Variants in APCDD1 observed in about 807,000 individuals in gnomAD.
The protein encoded by APCDD1 is protein APCDD1.
In APCDD1, 15 loss-of-function variants were observed where a neutral mutation model predicts 38.1. The ratio of observed to expected loss-of-function variants is 0.39; its 90% CI spans 0.26 to 0.61. APCDD1 has a LOEUF of 0.61. Among genes scored for constraint, APCDD1 ranks in the 20% least tolerant of loss-of-function variants. The probability of loss-of-function intolerance (pLI) is 0.49; values close to 1 mark genes in which losing one functional copy is unlikely to be tolerated. For synonymous variants in APCDD1, 261 were observed against 279.7 expected (o/e 0.93, Z 0.67); for missense variants, 647 against 696.2 (o/e 0.93, Z 0.79).
In APCDD1 at chr18:10,467,926, G is replaced by T. The variant is rs2030755332; in HGVS notation, c.59-543G>T. ...GCTGGGAATCTTCCTAGTCTCCTGG[G>T]CCTTCTCCTTCCATCACTGCCCAGG... On this transcript the variant is annotated intron_variant, in intron 1 of 4. Coordinates refer to ENST00000355285, the MANE Select transcript of APCDD1 (RefSeq NM_153000.5). This position sits in a 1 kb window ranked among gnomAD's most constrained non-coding sequence, Gnocchi z 4.8. Among the ~76,000 whole-genome samples, 1 of 152,168 alleles carries T rather than the reference G, an allele frequency of 6.6e-6. No homozygotes were observed. The highest frequency in any genetic ancestry group is 1.5e-5 in the Non-Finnish European group (1 of 68,016).
chr18:10,461,168 C>T (rs905932275), intron 1 of APCDD1, among the ~76,000 whole-genome samples: 7 of 152,122 alleles, frequency 4.6e-5, no homozygotes, highest in African/African-American at 1.7e-4. Context: ...CTAGTGCACA[C>T]ACGCAGGTGC....
At chr18:10,482,096 A>G (rs503840) in intron 3 of APCDD1, among the ~76,000 whole-genome samples, 82,677 of 151,936 alleles carry the variant, frequency 0.54, 23,927 homozygotes, top group African/African-American at 0.75. Flanking sequence ...CCTCGACGTC[A>G]TCCCAGAAGC....
rs2030971571 is a variant in APCDD1 at position 10,475,581 on chromosome 18, G to C, written c.774+3520G>C. On this transcript the variant is annotated intron_variant, in intron 3 of 4. Coordinates refer to ENST00000355285, the MANE Select transcript of APCDD1 (RefSeq NM_153000.5). The surrounding 1 kb of genome is among the most constrained non-coding windows in gnomAD (Gnocchi z 4.0). ...GTTGTCTATCTGGGATTGTCGGACA[G>C]AGACTTCACTTTTGGTACCTGTTGC... Among the ~76,000 whole-genome samples, 1 of 151,994 alleles carries C rather than the reference G, an allele frequency of 6.6e-6. No homozygotes were observed. Among genetic ancestry groups the C allele is most frequent in the Non-Finnish European group, 1.5e-5 (1 of 68,004 alleles).
chr18:10,483,771 G>A lies in APCDD1; in HGVS notation c.775-1691G>A, dbSNP rs1056646045. ...AGCACGGGGCTGGGGTGGCCCAGCC[G>A]TCCCCAGAACACTGAGCTACCAACT... is the stretch of plus-strand genomic sequence containing the variant. On this transcript the variant is annotated intron_variant, in intron 3 of 4. Transcript: ENST00000355285. Among the ~76,000 whole-genome samples the A allele has an allele frequency of 3.3e-5, 5 of 152,338 alleles. 1 individual carries two copies. The highest frequency in any genetic ancestry group is 4.1e-4 in the South Asian group (2 of 4,830).
At position 10,476,003 on chromosome 18, in the gene APCDD1, A is replaced by C. The variant is rs1038940996; in HGVS notation, c.774+3942A>C. On this transcript the variant is annotated intron_variant, in intron 3 of 4. Transcript: ENST00000355285. This position sits in a 1 kb window ranked among gnomAD's most constrained non-coding sequence, Gnocchi z 5.8. ...GACCCGGGCACCAGAAAGACTGGGC[A>C]CTGTGTGCCCACGCGGGCCCAGCCA... 6.6e-6 allele frequency: 1 copy of C among 152,264 alleles called. No individual in the cohort carries two copies. Among genetic ancestry groups the C allele is most frequent in the Non-Finnish European group, 1.5e-5 (1 of 68,074 alleles). The allele number at this position is 152,264 out of a possible 1,614,324, so 9.4% of individuals were successfully genotyped here. A position where few individuals can be genotyped will look rare whatever the true frequency, so the allele number is the denominator to read the frequency against.
chr18:10,484,945 G>A (rs1247947151), intron 3 of APCDD1, among the ~76,000 whole-genome samples: 1 of 152,220 alleles, frequency 6.6e-6, no homozygotes, highest in Non-Finnish European at 1.5e-5. Context: ...CCAGAAGTGA[G>A]ATTGCTGGGT....
chr18:10,469,715 C>T lies in APCDD1; in HGVS notation c.242+1063C>T, dbSNP rs531807550. On this transcript the variant is annotated intron_variant, in intron 2 of 4. Coordinates refer to ENST00000355285, the MANE Select transcript of APCDD1 (RefSeq NM_153000.5). This position sits in a 1 kb window ranked among gnomAD's most constrained non-coding sequence, Gnocchi z 5.5. ...TCAGGGCGGAGTTCAGAAAGCCTAC[C>T]AAAGAAGGGGACCCTTGAGCTGAGA... 1.3e-5 allele frequency among the ~76,000 whole-genome samples: 2 copies of T among 152,272 alleles called. No individual in the cohort carries two copies. Among genetic ancestry groups the T allele is most frequent in the South Asian group, 4.2e-4 (2 of 4,818 alleles).
rs941140552 is a variant in APCDD1 at position 10,455,059 on chromosome 18, T to G, written c.58+20T>G. ...TTCACGGTGAGTTCCCGAGGGCCAC[T>G]CGAGCGCTCCCAGCCGGCGGAGGCA... On this transcript the variant is annotated intron_variant, in intron 1 of 4. Transcript: ENST00000355285. The G allele has an allele frequency of 3.2e-6, 5 of 1,557,992 alleles. No individual in the cohort carries two copies. The African/African-American group carries it at 5.5e-5, about 17-fold the overall frequency.
chr18:10,485,680 C>A lies in APCDD1; in HGVS notation c.993C>A (p.Asp331Glu), dbSNP rs770199513. The A allele has an allele frequency of 6.2e-7, 1 of 1,614,202 alleles. No homozygotes were observed. Among genetic ancestry groups the A allele is most frequent in the Admixed American group, 1.7e-5 (1 of 60,022 alleles). The change falls in exon 4 of 5, where the codon GAC (aspartate) becomes GAA (glutamate). Residue 331 changes from aspartate to glutamate, a missense_variant. Transcript: ENST00000355285. The surrounding 1 kb of genome is among the most constrained non-coding windows in gnomAD (Gnocchi z 5.8). ...TWEGHYYHYS[D>E]PVCKHPTFSI... Reference sequence around the variant, plus strand: ...AGGGCCACTACTACCACTACTCAGACCCGGTGTGCAAGCACCCCACCTTCT... The same window carrying A: ...AGGGCCACTACTACCACTACTCAGAACCGGTGTGCAAGCACCCCACCTTCT...
chr18:10,468,031 G>A (rs1331986887), intron 1 of APCDD1, among the ~76,000 whole-genome samples: 1 of 152,090 alleles, frequency 6.6e-6, no homozygotes, highest in Non-Finnish European at 1.5e-5. Context: ...CACCCTTATT[G>A]ATGACACCTC....
At chr18:10,463,128 A>G (rs532870118) in intron 1 of APCDD1, among the ~76,000 whole-genome samples, 11 of 151,430 alleles carry the variant, frequency 7.3e-5, no homozygotes, top group African/African-American at 1.2e-4. Flanking sequence ...TCCTATGCGA[A>G]TCTCTCACTC....
rs1251418342 is a variant in APCDD1 at position 10,472,858 on chromosome 18, C to T, written c.774+797C>T. On this transcript the variant is annotated intron_variant, in intron 3 of 4. Transcript: ENST00000355285. This position sits in a 1 kb window ranked among gnomAD's most constrained non-coding sequence, Gnocchi z 6.6. ...TTCCTTCCCACAAGCTTAGAGTACACGTCCATGTGTAACTCGATCACCTCC... is the reference window on the plus strand; with the variant it reads ...TTCCTTCCCACAAGCTTAGAGTACATGTCCATGTGTAACTCGATCACCTCC... 3.3e-5 allele frequency among the ~76,000 whole-genome samples: 5 copies of T among 152,216 alleles called. No individual in the cohort carries two copies. The highest frequency in any genetic ancestry group is 7.3e-5 in the Non-Finnish European group (5 of 68,036).
At position 10,488,135 on chromosome 18, in the gene APCDD1, G is replaced by C; in HGVS notation, c.*97G>C. ...AGACATTTATTCTTTTGATGCACTT[G>C]AATGCCAGAGAACTGTCCTTCTTTT... On this transcript the variant is annotated 3_prime_UTR_variant, in exon 5 of 5. Transcript: ENST00000355285. The C allele has an allele frequency of 2.1e-6, 3 of 1,416,432 alleles. No homozygotes were observed. Among genetic ancestry groups the C allele is most frequent in the Non-Finnish European group, 2.9e-6 (3 of 1,035,414 alleles). The allele number at this position is 1,416,432 out of a possible 1,614,324, so 87.7% of individuals were successfully genotyped here. A position where few individuals can be genotyped will look rare whatever the true frequency, so the allele number is the denominator to read the frequency against.
rs778702888 is a variant in APCDD1 at position 10,485,682 on chromosome 18, C to T, written c.995C>T (p.Pro332Leu). Residue 332 changes from proline to leucine, a missense_variant, in exon 4 of 5, where the codon CCG (proline) becomes CTG (leucine). Coordinates refer to ENST00000355285, the MANE Select transcript of APCDD1 (RefSeq NM_153000.5). The surrounding 1 kb of genome is among the most constrained non-coding windows in gnomAD (Gnocchi z 5.8). ...WEGHYYHYSD[P>L]VCKHPTFSIY... is the part of the protein sequence containing the mutation. ...GGCCACTACTACCACTACTCAGACCCGGTGTGCAAGCACCCCACCTTCTCC... is the reference window on the plus strand; with the variant it reads ...GGCCACTACTACCACTACTCAGACCTGGTGTGCAAGCACCCCACCTTCTCC... 8 of 1,614,030 alleles carry T rather than the reference C, an allele frequency of 5.0e-6. No individual in the cohort carries two copies. Among genetic ancestry groups the T allele is most frequent in the Admixed American group, 3.3e-5 (2 of 59,998 alleles).
rs978690980 is a variant in APCDD1, at chr18:10,467,155, T to C, written c.59-1314T>C. The stretch of plus-strand genomic sequence containing the variant: ...CTGAATATTTAACAGATATCTGAAG[T>C]TACCATCCTGCAGGTCTCAGTTTAT... On this transcript the variant is annotated intron_variant, in intron 1 of 4. Coordinates refer to ENST00000355285, the MANE Select transcript of APCDD1 (RefSeq NM_153000.5). The surrounding 1 kb of genome is among the most constrained non-coding windows in gnomAD (Gnocchi z 4.8). Among the ~76,000 whole-genome samples the C allele has an allele frequency of 6.6e-6, 1 of 152,236 alleles. No individual in the cohort carries two copies. The highest frequency in any genetic ancestry group is 2.4e-5 in the African/African-American group (1 of 41,460).
rs774086640 is a variant in APCDD1, at chr18:10,488,803, A to C, written c.*765A>C. ...GCTTCCTGCCTTCTCAGTAGACAGG[A>C]TCATTAGGAAAATAGCAACATCAAT... On this transcript the variant is annotated 3_prime_UTR_variant, in exon 5 of 5. Transcript: ENST00000355285. 1 of 152,124 alleles carries C rather than the reference A, an allele frequency of 6.6e-6. No individual in the cohort carries two copies. The highest frequency in any genetic ancestry group is 1.5e-5 in the Non-Finnish European group (1 of 68,048). The allele number at this position is 152,124 out of a possible 1,614,324, so 9.4% of individuals were successfully genotyped here. A position where few individuals can be genotyped will look rare whatever the true frequency, so the allele number is the denominator to read the frequency against.
chr18:10,478,422 A>G (rs1452307212), intron 3 of APCDD1, among the ~76,000 whole-genome samples: 1 of 152,216 alleles, frequency 6.6e-6, no homozygotes, highest in East Asian at 1.9e-4. Context: ...GCAAAGCAGC[A>G]TGGACTGGGG....
chr18:10,462,012 G>C (rs867576745), intron 1 of APCDD1, among the ~76,000 whole-genome samples: 2 of 152,144 alleles, frequency 1.3e-5, no homozygotes. Context: ...CTACAGGCAC[G>C]GTAGTGCCTT....
chr18:10,465,548 A>G (rs2030687487), intron 1 of APCDD1, among the ~76,000 whole-genome samples: 1 of 152,206 alleles, frequency 6.6e-6, no homozygotes, highest in Admixed American at 6.5e-5. Context: ...GCAACTCCAT[A>G]TTTTCTCACA....
Sources: allele counts gnomAD v4.1 joint callset (sites outside exome capture counted in the v4.1 genomes callset), GRCh38; gene constraint gnomAD v4.1.1; non-coding constraint Gnocchi (gnomAD v3.1); transcripts MANE v1.5; gene names NCBI Gene and HGNC (gene_info 2026-07-23, HGNC 2026-07-21).